Variants in RAB9B observed in about 807,000 individuals in gnomAD.
RAB9B encodes the protein ras-related protein Rab-9B.
A neutral mutation model predicts 8.9 loss-of-function variants in RAB9B; 1 was observed. The observed-to-expected ratio is 0.11, with a 90% CI of 0.04 to 0.53. The LOEUF is 0.53. Ranked by LOEUF, RAB9B falls within the 20% of genes least tolerant of loss-of-function variation. RAB9B has a pLI of 0.93. For synonymous variants in RAB9B, 63 were observed against 57.0 expected (o/e 1.10, Z -0.47); for missense variants, 82 against 152.9 (o/e 0.54, Z 2.45).
chrX:103,784,525 C>T, the RAB9B span, among the ~76,000 whole-genome samples: 5 of 111,919 alleles, frequency 4.5e-5, no homozygotes, highest in Non-Finnish European at 9.4e-5. Context: ...TAGCTCCATC[C>T]TGTTTGGACT....
chrX:103,813,695 GT>G, the RAB9B span, among the ~76,000 whole-genome samples: 2 of 78,220 alleles, frequency 2.6e-5, no homozygotes, highest in African/African-American at 1.0e-4. Flanking sequence ...AAAGGCAAAC[GT>G]AAGCTCAAAA....
the RAB9B span, chrX:103,785,622 C>A: frequency 8.3e-7 from 1 of 1,208,691 alleles, no homozygotes; most frequent in East Asian, 3.0e-5. Context: ...TAGGGGCCCC[C>A]TTTGCTTCCC....
In RAB9B at chrX:103,830,625, A is replaced by G. The variant is rs183047759; in HGVS notation, c.-117+1435T>C. On this transcript the variant is annotated intron_variant, in intron 1 of 2. Coordinates refer to ENST00000243298, the MANE Select transcript of RAB9B (RefSeq NM_016370.4). The stretch of plus-strand genomic sequence containing the variant: ...TTTACTAACTTTTTTTTTTCCCATC[A>G]GGGTCTCAGTCTTGGAGAGTAAGGT... Among the ~76,000 whole-genome samples the G allele has an allele frequency of 4.0e-3, 445 of 110,657 alleles. 3 individuals are homozygous for G. The highest frequency in any genetic ancestry group is 0.014 in the African/African-American group (411 of 30,325).
the RAB9B span, among the ~76,000 whole-genome samples, chrX:103,800,891 A>G: frequency 8.9e-6 from 1 of 111,950 alleles, no homozygotes; most frequent in East Asian, 2.8e-4. Context: ...GACAACTCCA[A>G]TTGTTTCAAA....
chrX:103,787,630 C>T, the RAB9B span: 1 of 497,470 alleles, frequency 2.0e-6, no homozygotes, highest in Non-Finnish European at 3.6e-6. Context: ...CTAGTAGATA[C>T]TGCCAATTAC....
chrX:103,813,694 C>A, the RAB9B span, among the ~76,000 whole-genome samples: 3 of 78,528 alleles, frequency 3.8e-5, no homozygotes, highest in East Asian at 4.1e-4. Flanking sequence ...CAAAGGCAAA[C>A]GTAAGCTCAA....
the RAB9B span, chrX:103,780,674 G>A: frequency 8.9e-6 from 1 of 111,859 alleles, no homozygotes; most frequent in Non-Finnish European, 1.9e-5. Flanking sequence ...GTATATAAGT[G>A]CTGATATCAA....
At chrX:103,802,278 G>T in the RAB9B span, among the ~76,000 whole-genome samples, 1 of 106,890 alleles carries the variant, frequency 9.4e-6, no homozygotes, top group African/African-American at 3.4e-5. Context: ...GAGAGAGGCG[G>T]GGGTGAAGAT....
chrX:103,782,630 A>G, the RAB9B span, among the ~76,000 whole-genome samples: 2 of 112,256 alleles, frequency 1.8e-5, no homozygotes, highest in African/African-American at 3.2e-5. Flanking sequence ...CAAGAGTTCA[A>G]GTTCCTCCAT....
the RAB9B span, among the ~76,000 whole-genome samples, chrX:103,798,876 G>A: frequency 9.2e-6 from 1 of 108,476 alleles, no homozygotes; most frequent in South Asian, 4.1e-4. Context: ...TCCCAATCTC[G>A]TGATTTGCCC....
the RAB9B span, chrX:103,790,774 C>T: frequency 4.1e-4 from 197 of 475,582 alleles, no homozygotes; most frequent in Non-Finnish European, 7.1e-4. Flanking sequence ...GGACTCTCCC[C>T]TCTTATGTAC....
chrX:103,786,721 G>T, the RAB9B span: 1 of 1,211,190 alleles, frequency 8.3e-7, no homozygotes, highest in South Asian at 1.8e-5. Flanking sequence ...AGGACATCCC[G>T]ACAAGGTGAT....
At chrX:103,797,304 C>T in the RAB9B span, among the ~76,000 whole-genome samples, 2 of 110,333 alleles carry the variant, frequency 1.8e-5, no homozygotes, top group Non-Finnish European at 3.8e-5. Flanking sequence ...GTTGCCCAGG[C>T]TGTCTCGAAT....
At chrX:103,788,340 G>A in the RAB9B span, 5 of 645,282 alleles carry the variant, frequency 7.7e-6, no homozygotes, top group Non-Finnish European at 1.3e-5. Context: ...TTACAGCCAG[G>A]ATAATTAGAG....
At chrX:103,830,199 G>A (rs2074697913) in intron 1 of RAB9B, among the ~76,000 whole-genome samples, 2 of 110,428 alleles carry the variant, frequency 1.8e-5, no homozygotes, top group Admixed American at 9.6e-5. Flanking sequence ...TGATGTTGTC[G>A]GTGGGTGCTG....
Position 103,824,924 on chromosome X carries a change from A to G in RAB9B, c.*255T>C. ...ACTGTCTCAGGACTAAAATTTTCTG[A>G]TATGTCCTGAGACACACAAGAAGGG... On this transcript the variant is annotated 3_prime_UTR_variant, in exon 3 of 3. Coordinates refer to ENST00000243298, the MANE Select transcript of RAB9B (RefSeq NM_016370.4). 1 of 241,162 alleles carries G rather than the reference A, an allele frequency of 4.1e-6. No individual in the cohort carries two copies. The highest frequency in any genetic ancestry group is 7.3e-6 in the Non-Finnish European group (1 of 136,533). 19.9% of individuals were successfully genotyped at this position (241,162 alleles called of 1,213,427 possible). A position where few individuals can be genotyped will look rare whatever the true frequency, so the allele number is the denominator to read the frequency against.
chrX:103,790,411 T>G, the RAB9B span: 1 of 614,685 alleles, frequency 1.6e-6, no homozygotes, highest in South Asian at 2.2e-5. Flanking sequence ...AGAGCATGGG[T>G]TTTTCCCTTA....
chrX:103,815,764 T>A, the RAB9B span, among the ~76,000 whole-genome samples: 1 of 111,598 alleles, frequency 9.0e-6, no homozygotes. Context: ...TGTGCAAAAA[T>A]CACAAGCATT....
At chrX:103,786,232 G>C in the RAB9B span, 2 of 1,140,638 alleles carry the variant, frequency 1.8e-6, no homozygotes, top group Non-Finnish European at 2.3e-6. Flanking sequence ...CAGGTCCCAG[G>C]GTAAGCAAGG....
Sources: gnomAD v4.1 joint callset for allele counts (sites outside exome capture counted in the v4.1 genomes callset) on GRCh38, gnomAD v4.1.1 for gene constraint, MANE v1.5 for transcripts, NCBI Gene and HGNC (gene_info 2026-07-23, HGNC 2026-07-21) for gene names.